TRPM3: variants seen among roughly 807,000 people sequenced by gnomAD.
The protein encoded by TRPM3 is transient receptor potential cation channel subfamily M member 3.
A neutral mutation model predicts 181.2 loss-of-function variants in TRPM3; 77 were observed. That is an observed-to-expected ratio of 0.42 (90% confidence interval 0.35 to 0.51). The LOEUF is 0.51. Ranked by LOEUF, TRPM3 falls within the 20% of genes least tolerant of loss-of-function variation. TRPM3 has a pLI of 0.01. For synonymous variants in TRPM3, 745 were observed against 796.4 expected (o/e 0.94, Z 1.09); for missense variants, 1,759 against 2,196.7 (o/e 0.80, Z 3.98).
chr9:71,279,530 G>A (rs755450480), intron 1 of TRPM3, among the ~76,000 whole-genome samples: 44 of 152,282 alleles, frequency 2.9e-4, no homozygotes, highest in Middle Eastern at 3.4e-3. Flanking sequence ...TGTGGCAAGC[G>A]TCTTGGAAAG....
chr9:70,542,421 G>T (rs1178631639), intron 25 of TRPM3, among the ~76,000 whole-genome samples: 1 of 152,116 alleles, frequency 6.6e-6, no homozygotes, highest in Non-Finnish European at 1.5e-5. Flanking sequence ...GCTCATTTCT[G>T]AATAACTCAA....
chr9:70,607,917 G>A (rs1311711822), intron 19 of TRPM3, among the ~76,000 whole-genome samples: 2 of 152,200 alleles, frequency 1.3e-5, no homozygotes, highest in African/African-American at 4.8e-5. Flanking sequence ...CAGTCAGTCA[G>A]CCTATTGCTA....
chr9:70,910,546 T>C (rs540064848), intron 1 of TRPM3, among the ~76,000 whole-genome samples: 1 of 152,274 alleles, frequency 6.6e-6, no homozygotes, highest in East Asian at 1.9e-4. Flanking sequence ...TAGAAGTTTA[T>C]AAAAATAAAA....
chr9:70,578,298 C>CAA (rs56376771), intron 22 of TRPM3, among the ~76,000 whole-genome samples: 65 of 116,372 alleles, frequency 5.6e-4, no homozygotes, highest in African/African-American at 1.6e-3. Flanking sequence ...CTTTTGTATC[C>CAA]AAAAAAAAAA....
At chr9:70,893,460 A>G (rs547958119) in intron 1 of TRPM3, among the ~76,000 whole-genome samples, 1 of 152,204 alleles carries the variant, frequency 6.6e-6, no homozygotes, top group African/African-American at 2.4e-5. Context: ...CACTATATAA[A>G]TATGTTATGA....
intron 9 of TRPM3, among the ~76,000 whole-genome samples, chr9:70,669,617 T>C (rs1406052462): frequency 6.6e-6 from 1 of 152,170 alleles, no homozygotes; most frequent in Non-Finnish European, 1.5e-5. Flanking sequence ...CTGCTTATAA[T>C]AGATGAACCT....
chr9:70,788,740 G>T (rs902279197), intron 6 of TRPM3, among the ~76,000 whole-genome samples: 4 of 152,086 alleles, frequency 2.6e-5, no homozygotes, highest in Non-Finnish European at 5.9e-5. Flanking sequence ...GGGTTCCCAT[G>T]GTCCCATCTA....
At chr9:70,991,525 A>C (rs1258670441) in intron 1 of TRPM3, among the ~76,000 whole-genome samples, 1 of 148,526 alleles carries the variant, frequency 6.7e-6, no homozygotes, top group African/African-American at 2.5e-5. Context: ...ATTTCCATGC[A>C]ATTGGTCTCC....
At chr9:70,582,176 CTGTGCGTG>C (rs1032666872) in intron 22 of TRPM3, among the ~76,000 whole-genome samples, 15 of 78,026 alleles carry the variant, frequency 1.9e-4, no homozygotes, top group African/African-American at 7.0e-4. Flanking sequence ...CGCCTCCACC[CTGTGCGTG>C]TGTGTGTGTG....
intron 1 of TRPM3, among the ~76,000 whole-genome samples, chr9:71,227,889 C>T (rs2080789398): frequency 6.6e-6 from 1 of 152,148 alleles, no homozygotes; most frequent in Non-Finnish European, 1.5e-5. Flanking sequence ...GACTTCACTA[C>T]TGAATTCTAC....
upstream of TRPM3, among the ~76,000 whole-genome samples, chr9:71,123,231 G>A (rs1460075807): frequency 6.6e-6 from 1 of 152,192 alleles, no homozygotes; most frequent in Non-Finnish European, 1.5e-5. Context: ...TTACATAAGA[G>A]TTAAAGACTT....
At chr9:70,825,159 A>T (rs184174779) in intron 6 of TRPM3, 71 of 152,230 alleles carry the variant, frequency 4.7e-4, no homozygotes, top group African/African-American at 1.7e-3. Context: ...TCACGGCTAA[A>T]CCTAACAAAG....
At chr9:70,819,337 C>A (rs897341861) in intron 6 of TRPM3, among the ~76,000 whole-genome samples, 3 of 152,154 alleles carry the variant, frequency 2.0e-5, no homozygotes, top group African/African-American at 7.2e-5. Context: ...GGCTTAGGAA[C>A]TTTATAATAA....
chr9:70,610,467 C>A, intron 19 of TRPM3, 142 bp downstream of exon 19: 3 of 992,566 alleles, frequency 3.0e-6, no homozygotes, highest in South Asian at 1.8e-5. Flanking sequence ...TCTTGCAGAG[C>A]TATTGAAAAA....
At chr9:71,216,725 A>G (rs113092515) in intron 1 of TRPM3, among the ~76,000 whole-genome samples, 1,544 of 152,190 alleles carry the variant, frequency 0.01, 27 homozygotes, top group African/African-American at 0.035. Flanking sequence ...CTTCTATCTT[A>G]CTCATCATTC....
chr9:70,878,734 G>T (rs1053139376), intron 1 of TRPM3, among the ~76,000 whole-genome samples: 4 of 152,036 alleles, frequency 2.6e-5, no homozygotes, highest in Admixed American at 1.3e-4. Flanking sequence ...GCCAACACCA[G>T]TTTATGAACC....
rs183283598 is a variant in TRPM3, at chr9:71,371,007, A to G, written c.183+75646T>C. Among the ~76,000 whole-genome samples the G allele has an allele frequency of 3.8e-3, 573 of 152,156 alleles. 2 individuals carry two copies. The highest frequency in any genetic ancestry group is 6.9e-3 in the Non-Finnish European group (469 of 68,020). ...AAAAGCAAAGCCTGGGTGGCAGTAC[A>G]TCTGTTTACAGAATGGTTTACTGAA... is the stretch of plus-strand genomic sequence containing the variant. On this transcript the variant is annotated intron_variant, in intron 1 of 24. Coordinates refer to the TRPM3 transcript ENST00000357533.
chr9:70,611,655 C>T (rs1270197100), intron 18 of TRPM3, among the ~76,000 whole-genome samples: 3 of 152,192 alleles, frequency 2.0e-5, no homozygotes, highest in Admixed American at 6.6e-5. Context: ...TTCTCCCTGA[C>T]CCTTAGGCAT....
intron 1 of TRPM3, among the ~76,000 whole-genome samples, chr9:71,354,253 G>T (rs2091799902): frequency 6.6e-6 from 1 of 152,132 alleles, no homozygotes; most frequent in Non-Finnish European, 1.5e-5. Flanking sequence ...AGAATGTCCA[G>T]CTACAAGAAG....
Sources: gnomAD v4.1 joint callset for allele counts (sites outside exome capture counted in the v4.1 genomes callset) on GRCh38, gnomAD v4.1.1 for gene constraint, MANE v1.5 for transcripts, NCBI Gene and HGNC (gene_info 2026-07-23, HGNC 2026-07-21) for gene names.